Variants in APCDD1 observed in about 807,000 individuals in gnomAD.
APCDD1 encodes the protein protein APCDD1.
In APCDD1, 15 loss-of-function variants were observed where a neutral mutation model predicts 38.1. The observed-to-expected ratio is 0.39, with a 90% CI of 0.26 to 0.61. The LOEUF (loss-of-function observed/expected upper bound fraction) is 0.61. Ranked by LOEUF, APCDD1 falls within the 20% of genes least tolerant of loss-of-function variation. The probability of loss-of-function intolerance (pLI) is 0.49; values close to 1 mark genes in which losing one functional copy is unlikely to be tolerated. For synonymous variants in APCDD1, 261 were observed against 279.7 expected (o/e 0.93, Z 0.67); for missense variants, 647 against 696.2 (o/e 0.93, Z 0.79).
In APCDD1 at chr18:10,454,662, T is replaced by C; in HGVS notation, c.-320T>C. The C allele has an allele frequency of 2.9e-6, 3 of 1,032,084 alleles. 1 individual carries two copies. Among genetic ancestry groups the C allele is most frequent in the Non-Finnish European group, 3.5e-6 (3 of 862,830 alleles). 63.9% of individuals were successfully genotyped at this position (1,032,084 alleles called of 1,614,324 possible). A position where few individuals can be genotyped will look rare whatever the true frequency, so the allele number is the denominator to read the frequency against. On this transcript the variant is annotated 5_prime_UTR_variant, in exon 1 of 5. Transcript: ENST00000355285. ...AGAGACGCTGCAGCTGCGGTGGCGG[T>C]GGCGGCCACTGCAGCTCAGAGCGGC...
intron 3 of APCDD1, among the ~76,000 whole-genome samples, chr18:10,482,436 A>G (rs936498151): frequency 6.6e-6 from 1 of 152,220 alleles, no homozygotes; most frequent in Non-Finnish European, 1.5e-5. Context: ...TGCAAATGGT[A>G]GGAGTGCGCA....
rs1422165296 is a variant in APCDD1 at position 10,475,394 on chromosome 18, A to C, written c.774+3333A>C. Among the ~76,000 whole-genome samples, 1 of 152,224 alleles carries C rather than the reference A, an allele frequency of 6.6e-6. No homozygotes were observed. Among genetic ancestry groups the C allele is most frequent in the Non-Finnish European group, 1.5e-5 (1 of 68,040 alleles). On this transcript the variant is annotated intron_variant, in intron 3 of 4. Coordinates refer to ENST00000355285, the MANE Select transcript of APCDD1 (RefSeq NM_153000.5). The surrounding 1 kb of genome is among the most constrained non-coding windows in gnomAD (Gnocchi z 4.0). ...GCTTTAGGACCTTAGATACTACACG[A>C]GACATATTGTTAAGTAGGAAAAAAG...
intron 1 of APCDD1, among the ~76,000 whole-genome samples, chr18:10,466,301 A>G (rs1240966005): frequency 3.9e-5 from 6 of 152,086 alleles, no homozygotes; most frequent in African/African-American, 1.4e-4. Context: ...CCTCTCCCCT[A>G]CTCTGGTTCA....
At chr18:10,483,456 A>T (rs949606416) in intron 3 of APCDD1, among the ~76,000 whole-genome samples, 1 of 152,234 alleles carries the variant, frequency 6.6e-6, no homozygotes, top group Non-Finnish European at 1.5e-5. Flanking sequence ...CAAAGGAAAC[A>T]TTATCTCGCC....
In APCDD1 at chr18:10,454,810, G is replaced by T. The variant is rs2030324140; in HGVS notation, c.-172G>T. The T allele has an allele frequency of 2.0e-6, 2 of 983,408 alleles. No individual in the cohort carries two copies. The highest frequency in any genetic ancestry group is 1.3e-4 in the Admixed American group (2 of 15,888). 60.9% of individuals were successfully genotyped at this position (983,408 alleles called of 1,614,324 possible). On this transcript the variant is annotated 5_prime_UTR_variant, in exon 1 of 5. Transcript: ENST00000355285. ...CCGCCCGACGGCGCCCAGAGAGCGC[G>T]CGCCCCGCAGCCCCGCGCCTAGCCC...
chr18:10,463,804 A>G (rs2030631845), intron 1 of APCDD1, among the ~76,000 whole-genome samples: 1 of 152,232 alleles, frequency 6.6e-6, no homozygotes, highest in Admixed American at 6.5e-5. Context: ...TTTGAAGGGA[A>G]AAGATAAAAA....
chr18:10,460,783 G>A (rs1207578444), intron 1 of APCDD1, among the ~76,000 whole-genome samples: 2 of 152,106 alleles, frequency 1.3e-5, no homozygotes, highest in Admixed American at 1.3e-4. Flanking sequence ...TTTGGTTTCC[G>A]GGTACACTGG....
At chr18:10,462,425 TTC>T (rs2030571599) in intron 1 of APCDD1, among the ~76,000 whole-genome samples, 27 of 84,978 alleles carry the variant, frequency 3.2e-4, no homozygotes, top group East Asian at 1.1e-3. Context: ...CTTCCTTCCT[TTC>T]CCCCTTGCTC....
At position 10,472,954 on chromosome 18, in the gene APCDD1, A is replaced by G. The variant is rs1389916492; in HGVS notation, c.774+893A>G. Among the ~76,000 whole-genome samples the G allele has an allele frequency of 6.6e-6, 1 of 151,976 alleles. No individual in the cohort carries two copies. Among genetic ancestry groups the G allele is most frequent in the Non-Finnish European group, 1.5e-5 (1 of 67,978 alleles). On this transcript the variant is annotated intron_variant, in intron 3 of 4. Transcript: ENST00000355285. This position sits in a 1 kb window ranked among gnomAD's most constrained non-coding sequence, Gnocchi z 6.6. ...GGGCTTCTGCCCAGTGCGTAGTGTG[A>G]ACGTGCAGACCCGGGCCTGCTGCGG...
chr18:10,472,184 C>A lies in APCDD1; in HGVS notation c.774+123C>A. 2 of 1,363,672 alleles carry A rather than the reference C, an allele frequency of 1.5e-6. No homozygotes were observed. The highest frequency in any genetic ancestry group is 2.1e-6 in the Non-Finnish European group (2 of 972,930). The allele number at this position is 1,363,672 out of a possible 1,614,324, so 84.5% of individuals were successfully genotyped here. ...AATTCTGCATCATGGCGGGGCAGGC[C>A]AAGGTGGGGCTGCTGCGAGGTGGGA... On this transcript the variant is annotated intron_variant, in intron 3 of 4. Coordinates refer to ENST00000355285, the MANE Select transcript of APCDD1 (RefSeq NM_153000.5). The surrounding 1 kb of genome is among the most constrained non-coding windows in gnomAD (Gnocchi z 6.6).
intron 3 of APCDD1, among the ~76,000 whole-genome samples, chr18:10,481,184 C>T (rs527705628): frequency 1.3e-5 from 2 of 152,314 alleles, no homozygotes; most frequent in South Asian, 4.1e-4. Flanking sequence ...CCAAATTGAT[C>T]CACCTATTCT....
intron 1 of APCDD1, among the ~76,000 whole-genome samples, chr18:10,463,333 G>A (rs766097260): frequency 6.6e-6 from 1 of 152,084 alleles, no homozygotes; most frequent in Non-Finnish European, 1.5e-5. Flanking sequence ...TAGATGCTAT[G>A]TCCAGAACAG....
intron 1 of APCDD1, among the ~76,000 whole-genome samples, chr18:10,457,198 C>T (rs2030404754): frequency 6.6e-6 from 1 of 152,150 alleles, no homozygotes; most frequent in African/African-American, 2.4e-5. Context: ...AGTTATAAAT[C>T]CTCAGGATTT....
chr18:10,459,316 G>GCACACACACACACACACA (rs56849201), intron 1 of APCDD1, among the ~76,000 whole-genome samples: 4 of 150,146 alleles, frequency 2.7e-5, no homozygotes, highest in African/African-American at 9.8e-5. Flanking sequence ...CCACAAGCGT[G>GCACACACACACACACACA]CACACACACA....
chr18:10,471,938 G>C lies in APCDD1; in HGVS notation c.651G>C (p.Gln217His). Reference sequence around the variant, plus strand: ...TTCAGCTCATCCGGGTGGAGAAGCAGTACCTTCACCACAACCTCGACCACC... The same window carrying C: ...TTCAGCTCATCCGGGTGGAGAAGCACTACCTTCACCACAACCTCGACCACC... Reference protein sequence around the residue: ...HELQLIRVEKQYLHHNLDHLV... With the variant: ...HELQLIRVEKHYLHHNLDHLV... Residue 217 changes from glutamine (Q) to histidine (H), a missense_variant, in exon 3 of 5, where the codon CAG (glutamine) becomes CAC (histidine). Gln to His is a conservative substitution (Grantham distance 24). Coordinates refer to ENST00000355285, the MANE Select transcript of APCDD1 (RefSeq NM_153000.5). This position sits in a 1 kb window ranked among gnomAD's most constrained non-coding sequence, Gnocchi z 5.5. 1 of 1,614,130 alleles carries C rather than the reference G, an allele frequency of 6.2e-7. No homozygotes were observed. The highest frequency in any genetic ancestry group is 8.5e-7 in the Non-Finnish European group (1 of 1,180,032).
chr18:10,458,696 A>G (rs565849644), intron 1 of APCDD1, among the ~76,000 whole-genome samples: 1 of 152,320 alleles, frequency 6.6e-6, no homozygotes, highest in African/African-American at 2.4e-5. Context: ...ATTACATACT[A>G]CTATTTAGGG....
Position 10,488,023 on chromosome 18 carries a change from G to T in APCDD1, c.1530G>T (p.Trp510Cys). ...ALACLVPLLH[W>C]NIRR ...CCTGCCTTGTCCCTCTGCTGCATTG[G>T]AACATCCGCAGATAGAAGTTTTAGA... The change falls in exon 5 of 5, where the codon TGG (tryptophan) becomes TGT (cysteine). Residue 510 changes from tryptophan to cysteine, a missense_variant. By Grantham distance (215) the Trp-to-Cys change is radical (BLOSUM62 -2). Transcript: ENST00000355285. 1 of 1,613,794 alleles carries T rather than the reference G, an allele frequency of 6.2e-7. No homozygotes were observed. Among genetic ancestry groups the T allele is most frequent in the South Asian group, 1.1e-5 (1 of 91,084 alleles).
In APCDD1 at chr18:10,485,430, G is replaced by A. The variant is rs765073166; in HGVS notation, c.775-32G>A. 6.2e-7 allele frequency: 1 copy of A among 1,611,790 alleles called. No homozygotes were observed. The highest frequency in any genetic ancestry group is 1.7e-5 in the Admixed American group (1 of 60,026). Reference sequence around the variant, plus strand: ...TGCACTGCTCCCTTGGGAAGATAGAGGCCTCTGAATGTGTTTGTTTCTTGG... The same window carrying A: ...TGCACTGCTCCCTTGGGAAGATAGAAGCCTCTGAATGTGTTTGTTTCTTGG... On this transcript the variant is annotated intron_variant, in intron 3 of 4. Transcript: ENST00000355285. The surrounding 1 kb of genome is among the most constrained non-coding windows in gnomAD (Gnocchi z 5.8).
At chr18:10,461,193 C>T (rs113048737) in intron 1 of APCDD1, among the ~76,000 whole-genome samples, 267 of 152,162 alleles carry the variant, frequency 1.8e-3, no homozygotes, top group African/African-American at 6.3e-3. Context: ...ACTTACATAC[C>T]ACCGAGCCCT....
Sources: allele counts gnomAD v4.1 joint callset (sites outside exome capture counted in the v4.1 genomes callset), GRCh38; gene constraint gnomAD v4.1.1; non-coding constraint Gnocchi (gnomAD v3.1); transcripts MANE v1.5; gene names NCBI Gene and HGNC (gene_info 2026-07-23, HGNC 2026-07-21).